Variants in SLC35D4 observed in about 807,000 individuals in gnomAD.
The protein encoded by SLC35D4 is UDP-N-acetylglucosamine transporter SLC35D4.
the SLC35D4 span, among the ~76,000 whole-genome samples, chr18:23,377,218 A>G: frequency 2.0e-5 from 3 of 152,214 alleles, no homozygotes; most frequent in Admixed American, 6.5e-5. Context: ...GCTGCCCACA[A>G]TCACCCTGCT....
At chr18:23,326,103 C>G in the SLC35D4 span, among the ~76,000 whole-genome samples, 1 of 152,178 alleles carries the variant, frequency 6.6e-6, no homozygotes, top group Non-Finnish European at 1.5e-5. Context: ...TGCCTGGTGG[C>G]CCTGCCATGT....
chr18:23,339,513 T>A, the SLC35D4 span, among the ~76,000 whole-genome samples: 2 of 152,224 alleles, frequency 1.3e-5, no homozygotes, highest in African/African-American at 4.8e-5. Context: ...TGTCAGAGCT[T>A]GTTATCATCA....
the SLC35D4 span, among the ~76,000 whole-genome samples, chr18:23,386,520 T>G: frequency 1.6e-4 from 25 of 152,074 alleles, no homozygotes; most frequent in Non-Finnish European, 3.2e-4. Flanking sequence ...TCCAGAACTA[T>G]GAAGGATACA....
the SLC35D4 span, among the ~76,000 whole-genome samples, chr18:23,305,373 C>G: frequency 6.6e-6 from 1 of 152,180 alleles, no homozygotes; most frequent in Non-Finnish European, 1.5e-5. Flanking sequence ...GCTGTAAATC[C>G]TTGGTGTTTT....
the SLC35D4 span, among the ~76,000 whole-genome samples, chr18:23,390,281 C>T: frequency 6.6e-6 from 1 of 152,164 alleles, no homozygotes; most frequent in Non-Finnish European, 1.5e-5. Flanking sequence ...ATGCTCTTCA[C>T]CACTGTCAAG....
the SLC35D4 span, among the ~76,000 whole-genome samples, chr18:23,311,352 C>G: frequency 6.6e-6 from 1 of 151,828 alleles, no homozygotes; most frequent in East Asian, 1.9e-4. Flanking sequence ...CTTGGCCTCC[C>G]AAAGTGCTGG....
the SLC35D4 span, among the ~76,000 whole-genome samples, chr18:23,252,181 A>G: frequency 6.6e-6 from 1 of 152,308 alleles, no homozygotes; most frequent in East Asian, 1.9e-4. Flanking sequence ...TTATAGAGAC[A>G]TAAAGTGGAG....
the SLC35D4 span, among the ~76,000 whole-genome samples, chr18:23,239,846 G>A: frequency 6.6e-5 from 10 of 152,340 alleles, no homozygotes; most frequent in African/African-American, 2.4e-4. Flanking sequence ...GACCAGGCAT[G>A]GTGGCTCACG....
At chr18:23,316,949 T>G in the SLC35D4 span, among the ~76,000 whole-genome samples, 1 of 152,136 alleles carries the variant, frequency 6.6e-6, no homozygotes, top group Non-Finnish European at 1.5e-5. Flanking sequence ...TTTCTACAGA[T>G]GAAGAAACTG....
At chr18:23,239,678 T>C in the SLC35D4 span, among the ~76,000 whole-genome samples, 1 of 152,220 alleles carries the variant, frequency 6.6e-6, no homozygotes, top group Non-Finnish European at 1.5e-5. Context: ...TGAGGCCTTA[T>C]TATGAGCCAA....
chr18:23,259,163 A>G, the SLC35D4 span: 1 of 152,198 alleles, frequency 6.6e-6, no homozygotes, highest in Non-Finnish European at 1.5e-5. Flanking sequence ...CCTTCCTCAC[A>G]TGGGGTCTGT....
chr18:23,351,219 C>T, the SLC35D4 span, among the ~76,000 whole-genome samples: 1 of 152,044 alleles, frequency 6.6e-6, no homozygotes, highest in African/African-American at 2.4e-5. Context: ...ACAGCCTGGC[C>T]AACATGGTCA....
the SLC35D4 span, among the ~76,000 whole-genome samples, chr18:23,363,260 A>C: frequency 6.6e-6 from 1 of 151,668 alleles, no homozygotes; most frequent in African/African-American, 2.4e-5. Context: ...CTCAAAAAAA[A>C]AAAAAAAAAA....
the SLC35D4 span, among the ~76,000 whole-genome samples, chr18:23,275,661 G>GCTGTGC: frequency 1.3e-5 from 2 of 149,990 alleles, no homozygotes; most frequent in African/African-American, 4.9e-5. Context: ...GCTGTGCTTT[G>GCTGTGC]TTTGGGGACT....
chr18:23,382,792 C>T, the SLC35D4 span, among the ~76,000 whole-genome samples: 3 of 152,208 alleles, frequency 2.0e-5, no homozygotes, highest in Admixed American at 6.5e-5. Context: ...CAGCTTTGGC[C>T]GTGGGACTGC....
chr18:23,267,524 A>G, the SLC35D4 span, among the ~76,000 whole-genome samples: 53 of 148,228 alleles, frequency 3.6e-4, no homozygotes, highest in Non-Finnish European at 9.0e-5. Flanking sequence ...CCCCCAGGAC[A>G]CTCCTCTAGC....
chr18:23,380,898 G>A, the SLC35D4 span, among the ~76,000 whole-genome samples: 1 of 152,078 alleles, frequency 6.6e-6, no homozygotes, highest in Non-Finnish European at 1.5e-5. Flanking sequence ...TTCATAATCT[G>A]AGAATGAAGT....
At chr18:23,301,560 T>G in the SLC35D4 span, among the ~76,000 whole-genome samples, 572 of 152,358 alleles carry the variant, frequency 3.8e-3, 5 homozygotes, top group African/African-American at 0.013. Flanking sequence ...GTGATCCTCA[T>G]GGCTGATAAA....
chr18:23,346,745 T>C, the SLC35D4 span, among the ~76,000 whole-genome samples: 1 of 152,170 alleles, frequency 6.6e-6, no homozygotes, highest in Admixed American at 6.5e-5. Context: ...AGATGCTAGA[T>C]TTTGTCATGA....
Sources: gnomAD v4.1 joint callset for allele counts (sites outside exome capture counted in the v4.1 genomes callset) on GRCh38, gnomAD v4.1.1 for gene constraint, MANE v1.5 for transcripts, NCBI Gene and HGNC (gene_info 2026-07-23, HGNC 2026-07-21) for gene names.